XIRP2: variants seen among roughly 807,000 people sequenced by gnomAD.
The protein encoded by XIRP2 is xin actin-binding repeat-containing protein 2.
A neutral mutation model predicts 277.0 loss-of-function variants in XIRP2; 236 were observed. That is an observed-to-expected ratio of 0.85 (90% CI 0.77 to 0.95). XIRP2 has a LOEUF of 0.95. Among genes scored for constraint, XIRP2 ranks in the 40% least tolerant of loss-of-function variants. The probability of loss-of-function intolerance (pLI) is 0.00; values close to 1 mark genes in which losing one functional copy is unlikely to be tolerated. For missense variants in XIRP2, 4,640 were observed against 4,157.5 expected (o/e 1.12, Z -3.19); for synonymous variants, 1,490 against 1,416.5 (o/e 1.05, Z -1.17).
chr2:166,908,064 G>C (rs145869064), intron 2 of XIRP2, among the ~76,000 whole-genome samples: 4,087 of 152,020 alleles, frequency 0.027, 85 homozygotes, highest in Non-Finnish European at 0.038. Flanking sequence ...GAATAGTGCC[G>C]CAGTAAACAT....
At chr2:167,157,305 TAATC>T (rs1692231032) in intron 3 of XIRP2, among the ~76,000 whole-genome samples, 3 of 152,110 alleles carry the variant, frequency 2.0e-5, no homozygotes, top group African/African-American at 7.2e-5. Context: ...ATTTATTTAC[TAATC>T]AATCTATTTA....
At chr2:166,892,701 C>A (rs1475178183) in intron 1 of XIRP2, among the ~76,000 whole-genome samples, 1 of 151,548 alleles carries the variant, frequency 6.6e-6, no homozygotes, top group Admixed American at 6.6e-5. Flanking sequence ...AGTTTGTGTT[C>A]TTTTCTGAAA....
At position 167,140,095 on chromosome 2, in the gene XIRP2, AT is replaced by A. The variant is rs547875998; in HGVS notation, c.562+4035del. Among the ~76,000 whole-genome samples the A allele has an allele frequency of 2.6e-5, 4 of 152,358 alleles. No individual in the cohort carries two copies. The South Asian group carries it at 8.3e-4, about 32-fold the overall frequency. ...AAAGGCAAATAGCAATAATTCACAT[AT>A]TAAAAACTTGTCTTCGAGAACTAGG... On this transcript the variant is annotated intron_variant, in intron 3 of 10. Transcript: ENST00000409195.
chr2:167,008,185 C>A (rs1258730676), intron 2 of XIRP2, among the ~76,000 whole-genome samples: 3 of 151,608 alleles, frequency 2.0e-5, no homozygotes, highest in East Asian at 3.9e-4. Context: ...CAACATATAT[C>A]TTTTATTTAT....
At chr2:167,229,672 T>C (rs1452155830) in intron 5 of XIRP2, among the ~76,000 whole-genome samples, 1 of 152,110 alleles carries the variant, frequency 6.6e-6, no homozygotes, top group Non-Finnish European at 1.5e-5. Context: ...GTCAAGCTTC[T>C]CTATTCTTTT....
chr2:167,201,240 AAGAAAGAAAGAAAGAAAGAAAGAG>A (rs1254410044), intron 3 of XIRP2, among the ~76,000 whole-genome samples: 266 of 101,954 alleles, frequency 2.6e-3, no homozygotes, highest in African/African-American at 6.2e-3. Context: ...GAAAGAAAGA[AAGAAAGAAAGAAAGAAAGAAAGAG>A]AGAGGGAGAA....
chr2:167,209,499 T>C (rs76479867), intron 3 of XIRP2, among the ~76,000 whole-genome samples: 5 of 152,090 alleles, frequency 3.3e-5, no homozygotes, highest in South Asian at 2.1e-4. Context: ...TGGTTGATAG[T>C]GATTAAATTA....
chr2:167,211,455 A>G (rs991500590), intron 4 of XIRP2, among the ~76,000 whole-genome samples: 6 of 152,196 alleles, frequency 3.9e-5, no homozygotes, highest in African/African-American at 1.2e-4. Context: ...AATGGGAATC[A>G]TCATTTATCA....
intron 2 of XIRP2, among the ~76,000 whole-genome samples, chr2:166,960,877 C>T (rs1257286623): frequency 6.6e-6 from 1 of 151,712 alleles, no homozygotes; most frequent in African/African-American, 2.4e-5. Context: ...CCATCCTGAC[C>T]TTTTACTTGT....
intron 2 of XIRP2, among the ~76,000 whole-genome samples, chr2:167,083,664 C>T (rs1026886063): frequency 6.6e-6 from 1 of 152,122 alleles, no homozygotes; most frequent in African/African-American, 2.4e-5. Flanking sequence ...CTTCACATCC[C>T]TTGTAAGTTG....
chr2:167,039,364 A>G (rs1444876865), intron 2 of XIRP2, among the ~76,000 whole-genome samples: 1 of 152,202 alleles, frequency 6.6e-6, no homozygotes, highest in Non-Finnish European at 1.5e-5. Context: ...CATGCCAGAC[A>G]CTCTGCTAGG....
intron 2 of XIRP2, among the ~76,000 whole-genome samples, chr2:167,118,899 A>C (rs1690973607): frequency 6.6e-6 from 1 of 152,230 alleles, no homozygotes; most frequent in Non-Finnish European, 1.5e-5. Context: ...AGAAAGCTAA[A>C]TAATTGCCAG....
intron 3 of XIRP2, among the ~76,000 whole-genome samples, chr2:167,146,955 A>C (rs1161357622): frequency 6.6e-6 from 1 of 152,180 alleles, no homozygotes; most frequent in Non-Finnish European, 1.5e-5. Flanking sequence ...GGAAGTGTGA[A>C]GCTATATTTT....
intron 2 of XIRP2, among the ~76,000 whole-genome samples, chr2:166,948,267 C>A (rs1397443596): frequency 6.6e-6 from 1 of 151,980 alleles, no homozygotes; most frequent in African/African-American, 2.4e-5. Flanking sequence ...ACTAGTGTAT[C>A]CCCTCTGGGG....
chr2:167,258,227 C>G lies in XIRP2; in HGVS notation c.*410C>G. The G allele has an allele frequency of 6.2e-7, 1 of 1,613,028 alleles. No individual in the cohort carries two copies. Among genetic ancestry groups the G allele is most frequent in the Non-Finnish European group, 8.5e-7 (1 of 1,179,546 alleles). On this transcript the variant is annotated 3_prime_UTR_variant, in exon 11 of 11. Coordinates refer to ENST00000409195, the MANE Select transcript of XIRP2 (RefSeq NM_152381.6). The stretch of plus-strand genomic sequence containing the variant: ...TGAGGAAGAGCTCAAAATGAGTAAA[C>G]CTAAGTGGCCACCTGAAATGACAAC...
intron 2 of XIRP2, among the ~76,000 whole-genome samples, chr2:166,951,828 T>C (rs1383478780): frequency 6.6e-6 from 1 of 152,052 alleles, no homozygotes; most frequent in Non-Finnish European, 1.5e-5. Flanking sequence ...TTCATGCTCC[T>C]AACGAGCACA....
chr2:167,225,542 C>A (rs1573972991), intron 5 of XIRP2, among the ~76,000 whole-genome samples: 1 of 152,126 alleles, frequency 6.6e-6, no homozygotes, highest in Admixed American at 6.5e-5. Context: ...CCCTTATTTG[C>A]CAGAGAACTG....
intron 2 of XIRP2, among the ~76,000 whole-genome samples, chr2:167,010,306 G>A (rs1370693757): frequency 6.6e-6 from 1 of 151,340 alleles, no homozygotes; most frequent in Admixed American, 6.6e-5. Flanking sequence ...AGTTTTCCCA[G>A]CACCATTTAT....
chr2:167,243,491 A>T lies in XIRP2; in HGVS notation c.2099A>T (p.His700Leu). ...GTGAGATACATGTTTGAAACTCAAC[A>T]TCTAGATCAACTTGGACAGCTTCAT... Reference protein sequence around the residue: ...KTVRYMFETQHLDQLGQLHSV... With the variant: ...KTVRYMFETQLLDQLGQLHSV... Residue 700 changes from histidine to leucine, a missense_variant, in exon 9 of 11, where the codon CAT (histidine) becomes CTT (leucine). By Grantham distance (99) the His-to-Leu change is moderately conservative (BLOSUM62 -3). Coordinates refer to ENST00000409195, the MANE Select transcript of XIRP2 (RefSeq NM_152381.6). The T allele has an allele frequency of 6.2e-7, 1 of 1,614,070 alleles. No individual in the cohort carries two copies. Among genetic ancestry groups the T allele is most frequent in the Non-Finnish European group, 8.5e-7 (1 of 1,179,976 alleles).
Sources: gnomAD v4.1 joint callset for allele counts (sites outside exome capture counted in the v4.1 genomes callset) on GRCh38, gnomAD v4.1.1 for gene constraint, MANE v1.5 for transcripts, NCBI Gene and HGNC (gene_info 2026-07-23, HGNC 2026-07-21) for gene names.